The following STOML3 variants were observed in gnomAD, a reference collection of about 807,000 sequenced individuals.
The protein encoded by STOML3 is stomatin like 3, also known as stomatin-like protein 3.
Under a neutral mutation model 29.5 loss-of-function variants are expected in STOML3, and 31 were observed. The observed-to-expected ratio is 1.05, with a 90% CI of 0.79 to 1.42. STOML3 has a LOEUF of 1.42. STOML3 is among the 40% of genes most tolerant of loss of function. The pLI is 0.00. For missense variants in STOML3, 380 were observed against 363.0 expected (o/e 1.05, Z -0.38); for synonymous variants, 122 against 139.8 (o/e 0.87, Z 0.90).
intron 1 of STOML3, among the ~76,000 whole-genome samples, chr13:38,977,864 A>C (rs1345405221): frequency 7.1e-6 from 1 of 139,966 alleles, no homozygotes; most frequent in African/African-American, 2.7e-5. Flanking sequence ...GGTTCGCGCC[A>C]TTCTCCTGCC....
intron 4 of STOML3, among the ~76,000 whole-genome samples, chr13:38,971,637 T>C (rs891054916): frequency 2.1e-4 from 32 of 152,264 alleles, no homozygotes; most frequent in East Asian, 1.2e-3. Context: ...AAAAGACTTA[T>C]GTGGGCTGGG....
chr13:38,965,987 G>C lies in STOML3; in HGVS notation c.*838C>G, dbSNP rs6563658. 6.6e-6 allele frequency: 1 copy of C among 151,992 alleles called. No individual in the cohort carries two copies. Among genetic ancestry groups the C allele is most frequent in the Non-Finnish European group, 1.5e-5 (1 of 67,998 alleles). 9.4% of individuals were successfully genotyped at this position (151,992 alleles called of 1,614,324 possible). On this transcript the variant is annotated 3_prime_UTR_variant, in exon 7 of 7. Coordinates refer to ENST00000379631, the MANE Select transcript of STOML3 (RefSeq NM_145286.3). ...GTTTTGAACAGGTTATTTGGCAGGT[G>C]GGGGAGGGGATGTGGATAGAGTTCA...
At chr13:38,977,028 A>G (rs1881106071) in intron 1 of STOML3, among the ~76,000 whole-genome samples, 1 of 152,226 alleles carries the variant, frequency 6.6e-6, no homozygotes, top group East Asian at 1.9e-4. Context: ...AAAATATCAT[A>G]ACAATAAACA....
chr13:38,971,540 A>G (rs906781918), intron 4 of STOML3, among the ~76,000 whole-genome samples: 3 of 152,106 alleles, frequency 2.0e-5, no homozygotes, highest in African/African-American at 7.2e-5. Flanking sequence ...TGGTTATGAG[A>G]GGGTGATATG....
chr13:38,968,389 A>G lies in STOML3; in HGVS notation c.651+11T>C, dbSNP rs1490958170. ...AGTTCTCCCTCCATGTGTGAACTGC[A>G]CAACACTTACCTTGGCTCTCGCTTC... On this transcript the variant is annotated intron_variant, in intron 6 of 6. Transcript: ENST00000379631. 6.2e-7 allele frequency: 1 copy of G among 1,614,110 alleles called. No individual in the cohort carries two copies. Among genetic ancestry groups the G allele is most frequent in the Non-Finnish European group, 8.5e-7 (1 of 1,179,990 alleles).
Position 38,970,182 on chromosome 13 carries a change from T to TGA in STOML3, c.516+2_516+3insTC. Reference sequence around the variant, plus strand: ...ACAGGCTATTAGTTCATGGTGTCTTTACCTGGATGCTATGGGCGATCTCTT... The same window carrying TGA: ...ACAGGCTATTAGTTCATGGTGTCTTTGAACCTGGATGCTATGGGCGATCTCTT... On this transcript the variant is annotated splice_region_variant and intron_variant, in intron 5 of 6. Transcript: ENST00000379631. 1.9e-6 allele frequency: 3 copies of TGA among 1,611,246 alleles called. No homozygotes were observed. Among genetic ancestry groups the TGA allele is most frequent in the Middle Eastern group, 1.8e-4 (1 of 5,500 alleles).
chr13:38,990,651 A>T lies in STOML3; in HGVS notation c.52+19T>A. On this transcript the variant is annotated intron_variant, in intron 1 of 6. Coordinates refer to ENST00000379631, the MANE Select transcript of STOML3 (RefSeq NM_145286.3). Reference sequence around the variant, plus strand: ...CATATATGTAAAAAACAAGCCTAAGACAGGAAAAAGGAACTTACCCACGAA... The same window carrying T: ...CATATATGTAAAAAACAAGCCTAAGTCAGGAAAAAGGAACTTACCCACGAA... The T allele has an allele frequency of 6.2e-7, 1 of 1,613,716 alleles. No homozygotes were observed. The highest frequency in any genetic ancestry group is 8.5e-7 in the Non-Finnish European group (1 of 1,179,722).
chr13:38,975,278 G>T (rs1050285230), intron 3 of STOML3, among the ~76,000 whole-genome samples: 1 of 149,794 alleles, frequency 6.7e-6, no homozygotes, highest in African/African-American at 2.5e-5. Flanking sequence ...CCGAGATCAC[G>T]CCACTGCACT....
At chr13:38,979,703 T>C (rs1881208301) in intron 1 of STOML3, among the ~76,000 whole-genome samples, 1 of 152,214 alleles carries the variant, frequency 6.6e-6, no homozygotes, top group Non-Finnish European at 1.5e-5. Context: ...ATTAAGGTTA[T>C]TTGCAATTTT....
At chr13:38,980,149 G>A in intron 1 of STOML3, 4 of 1,550,154 alleles carry the variant, frequency 2.6e-6, no homozygotes, top group African/African-American at 1.4e-5. Context: ...AGAGAGACAA[G>A]AGAAGAGAAT....
chr13:38,978,445 C>T (rs1593503685), intron 1 of STOML3, among the ~76,000 whole-genome samples: 1 of 152,164 alleles, frequency 6.6e-6, no homozygotes, highest in African/African-American at 2.4e-5. Flanking sequence ...TGAGCCACTG[C>T]ACCTGGCCCA....
chr13:38,969,517 C>G (rs929368795), intron 5 of STOML3, among the ~76,000 whole-genome samples: 1 of 152,178 alleles, frequency 6.6e-6, no homozygotes, highest in Admixed American at 6.5e-5. Context: ...GACCTTTCCT[C>G]TACTGTAGGG....
At chr13:38,988,892 ATATAC>A (rs1868866082) in intron 1 of STOML3, among the ~76,000 whole-genome samples, 1 of 141,144 alleles carries the variant, frequency 7.1e-6, no homozygotes, top group African/African-American at 2.6e-5. Flanking sequence ...ATTACATATT[ATATAC>A]TATACTATAG....
At position 38,989,407 on chromosome 13, in the gene STOML3, C is replaced by A. The variant is rs1040093602; in HGVS notation, c.52+1263G>T. Among the ~76,000 whole-genome samples, 11 of 152,124 alleles carry A rather than the reference C, an allele frequency of 7.2e-5. No homozygotes were observed. The South Asian group carries it at 1.2e-3, about 17-fold the overall frequency. On this transcript the variant is annotated intron_variant, in intron 1 of 6. Coordinates refer to ENST00000379631, the MANE Select transcript of STOML3 (RefSeq NM_145286.3). Reference sequence around the variant, plus strand: ...TGCATTTCCAGATGATATTTACTGCCTTCAAGCTTTTCATGCCTACTTCAA... The same window carrying A: ...TGCATTTCCAGATGATATTTACTGCATTCAAGCTTTTCATGCCTACTTCAA...
Position 38,966,576 on chromosome 13 carries a change from A to G in STOML3, c.*249T>C, listed in dbSNP as rs1880651199. The G allele has an allele frequency of 6.5e-6, 2 of 310,000 alleles. No individual in the cohort carries two copies. The highest frequency in any genetic ancestry group is 2.1e-5 in the African/African-American group (1 of 46,760). 19.2% of individuals were successfully genotyped at this position (310,000 alleles called of 1,614,324 possible). A position where few individuals can be genotyped will look rare whatever the true frequency, so the allele number is the denominator to read the frequency against. ...TCCTGCTATAAAGTCGGAGACCACC[A>G]CTAATTAATTATATAAGAATATTAC... On this transcript the variant is annotated 3_prime_UTR_variant, in exon 7 of 7. Transcript: ENST00000379631.
At chr13:38,988,636 T>A (rs1320656434) in intron 1 of STOML3, among the ~76,000 whole-genome samples, 1 of 130,442 alleles carries the variant, frequency 7.7e-6, no homozygotes, top group Admixed American at 9.4e-5. Context: ...ATATTATATT[T>A]TATATCATAT....
At chr13:38,987,864 TATATA>T (rs1456293881) in intron 1 of STOML3, among the ~76,000 whole-genome samples, 1 of 83,662 alleles carries the variant, frequency 1.2e-5, no homozygotes, top group Non-Finnish European at 1.9e-5. Context: ...TTATATGTTA[TATATA>T]ATATATTATA....
Position 38,976,816 on chromosome 13 carries a change from G to C in STOML3, c.53-19C>G. 0.075 allele frequency: 93,131 copies of C among 1,241,010 alleles called. No homozygotes were observed. The highest frequency in any genetic ancestry group is 0.1 in the Non-Finnish European group (84,875 of 842,788). 76.9% of individuals were successfully genotyped at this position (1,241,010 alleles called of 1,614,324 possible). On this transcript the variant is annotated intron_variant, in intron 1 of 6. Coordinates refer to ENST00000379631, the MANE Select transcript of STOML3 (RefSeq NM_145286.3). ...TTGACACCTAGGAAATGAGAAGGAA[G>C]CAAATATGTGATCAATGTGGTTATT...
intron 1 of STOML3, among the ~76,000 whole-genome samples, chr13:38,985,911 CTTTTTTTT>C (rs1170409048): frequency 3.5e-5 from 3 of 85,616 alleles, no homozygotes; most frequent in Admixed American, 1.9e-4. Flanking sequence ...TCTTTTCTTT[CTTTTTTTT>C]TTTTTTTTTT....
Sources: gnomAD v4.1 joint callset for allele counts (sites outside exome capture counted in the v4.1 genomes callset) on GRCh38, gnomAD v4.1.1 for gene constraint, MANE v1.5 for transcripts, NCBI Gene and HGNC (gene_info 2026-07-23, HGNC 2026-07-21) for gene names.